Variants in EFCAB10 observed in about 807,000 individuals in gnomAD.
EFCAB10 encodes EF-hand calcium binding domain 10.
In EFCAB10, 7 loss-of-function variants were observed where a neutral mutation model predicts 7.7. That is an observed-to-expected ratio of 0.91 (90% CI 0.52 to 1.72). The LOEUF is 1.72. Ranked by LOEUF, EFCAB10 falls within the 40% of genes most tolerant of loss-of-function variation. The pLI is 0.00. For synonymous variants in EFCAB10, 52 were observed against 21.0 expected (o/e 2.47, Z -4.03); for missense variants, 112 against 61.5 (o/e 1.82, Z -2.74).
rs1554369774 is a variant in EFCAB10 at position 105,570,268 on chromosome 7, T to TACACACACAC, written c.107-707_107-698dup. On this transcript the variant is annotated intron_variant, in intron 1 of 4. Transcript: ENST00000480514. ...ATATATATATATATATATATATATATACACACACACACACATACATATACA... is the reference window on the plus strand; with the variant it reads ...ATATATATATATATATATATATATATACACACACACACACACACACACACATACATATACA... 1.7e-4 allele frequency among the ~76,000 whole-genome samples: 11 copies of TACACACACAC among 66,448 alleles called. No homozygotes were observed. In the East Asian group the frequency reaches 1.9e-3, roughly 11 times the overall value. The allele number at this position is 66,448 out of a possible 152,430, so 43.6% of individuals were successfully genotyped here.
chr7:105,570,885 C>G (rs926705563), intron 1 of EFCAB10, among the ~76,000 whole-genome samples: 2 of 151,988 alleles, frequency 1.3e-5, no homozygotes, highest in Non-Finnish European at 2.9e-5. Context: ...CTTAGCCGGG[C>G]GTGGTGACGG....
At chr7:105,577,314 C>G (rs1482067713) in intron 1 of EFCAB10, among the ~76,000 whole-genome samples, 4 of 152,040 alleles carry the variant, frequency 2.6e-5, no homozygotes, top group Admixed American at 2.6e-4. Context: ...TAATAAAGAG[C>G]TGAGAAAAAC....
intron 1 of EFCAB10, among the ~76,000 whole-genome samples, chr7:105,580,001 GT>G (rs926125882): frequency 7.4e-5 from 11 of 147,822 alleles, no homozygotes; most frequent in Admixed American, 4.7e-4. Context: ...TTTATTTTTA[GT>G]TTTTTTTTTG....
chr7:105,577,946 T>C (rs1454624742), intron 1 of EFCAB10, among the ~76,000 whole-genome samples: 3 of 152,166 alleles, frequency 2.0e-5, no homozygotes, highest in African/African-American at 7.2e-5. Context: ...GTATTTTTAG[T>C]AGAGATAGTT....
intron 1 of EFCAB10, among the ~76,000 whole-genome samples, chr7:105,580,142 C>T (rs1792187355): frequency 6.6e-6 from 1 of 152,062 alleles, no homozygotes; most frequent in Admixed American, 6.6e-5. Flanking sequence ...CGCACCACCA[C>T]GTGCAGCTAA....
chr7:105,569,443 C>T lies in EFCAB10; in HGVS notation c.235G>A (p.Gly79Ser). ...VAMFEMMDSS[G>S]RGTISFVQYK... The stretch of plus-strand genomic sequence containing the variant: ...TGCACAAATGATATGGTGCCTCTGC[C>T]TGAGGAGTCCATCATCTCAAACATA... The change falls in exon 2 of 5, where the codon GGC becomes AGC. Residue 79 changes from glycine to serine, a missense_variant. Gly to Ser is a moderately conservative substitution (Grantham distance 56). Coordinates refer to ENST00000480514, the MANE Select transcript of EFCAB10 (RefSeq NM_001355526.2). 1 of 703,112 alleles carries T rather than the reference C, an allele frequency of 1.4e-6. No individual in the cohort carries two copies. The highest frequency in any genetic ancestry group is 2.6e-6 in the Non-Finnish European group (1 of 385,038). 43.6% of individuals were successfully genotyped at this position (703,112 alleles called of 1,614,324 possible).
At chr7:105,574,985 C>A (rs918781501) in intron 1 of EFCAB10, among the ~76,000 whole-genome samples, 2 of 149,036 alleles carry the variant, frequency 1.3e-5, no homozygotes, top group Non-Finnish European at 3.0e-5. Context: ...CATAGTGGTG[C>A]GTGCCTGTAA....
At chr7:105,576,806 C>T (rs1339209380) in intron 1 of EFCAB10, among the ~76,000 whole-genome samples, 12 of 152,140 alleles carry the variant, frequency 7.9e-5, no homozygotes, top group Non-Finnish European at 1.2e-4. Flanking sequence ...GTAATCCAAG[C>T]ACTTTGGGAG....
At chr7:105,570,292 C>T (rs79996442) in intron 1 of EFCAB10, among the ~76,000 whole-genome samples, 1 of 118,958 alleles carries the variant, frequency 8.4e-6, no homozygotes, top group Non-Finnish European at 1.7e-5. Context: ...CATACATATA[C>T]ACATACACAC....
intron 1 of EFCAB10, chr7:105,572,559 C>T (rs1791976830): frequency 1.3e-5 from 2 of 152,196 alleles, no homozygotes; most frequent in Admixed American, 6.5e-5. Context: ...GTGGGAATGC[C>T]AGATAAGTTC....
intron 1 of EFCAB10, chr7:105,573,334 A>G (rs2133523034): frequency 6.6e-6 from 1 of 152,332 alleles, no homozygotes; most frequent in Middle Eastern, 3.4e-3. Context: ...CAGAAACTGG[A>G]AAAAGGCCAA....
intron 1 of EFCAB10, chr7:105,571,354 C>G (rs1791944655): frequency 6.6e-6 from 1 of 152,192 alleles, no homozygotes; most frequent in Non-Finnish European, 1.5e-5. Context: ...GACAAAAAAG[C>G]ACAGCTTTCA....
chr7:105,566,173 G>A (rs899247971), intron 4 of EFCAB10: 2 of 151,630 alleles, frequency 1.3e-5, no homozygotes, highest in Non-Finnish European at 2.9e-5. Context: ...ACCTGCTTGG[G>A]AGGCTGAGGC....
At chr7:105,575,385 T>C (rs1444765482) in intron 1 of EFCAB10, among the ~76,000 whole-genome samples, 3 of 152,158 alleles carry the variant, frequency 2.0e-5, no homozygotes, top group African/African-American at 4.8e-5. Flanking sequence ...CTTGGCTTAC[T>C]GCAACCTTTG....
chr7:105,570,820 C>T (rs982684095), intron 1 of EFCAB10, among the ~76,000 whole-genome samples: 3 of 152,136 alleles, frequency 2.0e-5, no homozygotes, highest in Admixed American at 6.6e-5. Context: ...GTCGGGAGAT[C>T]GAGACCATCC....
rs1791692439 is a variant in EFCAB10, at chr7:105,565,647, C to T, written c.*-200G>A. On this transcript the variant is annotated intron_variant, in intron 4 of 4. Coordinates refer to ENST00000480514, the MANE Select transcript of EFCAB10 (RefSeq NM_001355526.2). Reference sequence around the variant, plus strand: ...CAAGAGACCAGAAAATTATTTTAAACAGTAAGCTCAACATTTAACAATTAA... The same window carrying T: ...CAAGAGACCAGAAAATTATTTTAAATAGTAAGCTCAACATTTAACAATTAA... 3.9e-6 allele frequency: 6 copies of T among 1,555,032 alleles called. No individual in the cohort carries two copies. The highest frequency in any genetic ancestry group is 3.4e-5 in the Admixed American group (2 of 59,036).
At position 105,577,047 on chromosome 7, in the gene EFCAB10, C is replaced by T. The variant is rs140749822; in HGVS notation, c.106+4311G>A. On this transcript the variant is annotated intron_variant, in intron 1 of 4. Coordinates refer to ENST00000480514, the MANE Select transcript of EFCAB10 (RefSeq NM_001355526.2). ...CAGGCTGGGCGACAGGGCAAAACTC[C>T]GTCTTAAAAAAAAAAAAAAGTGGTA... Among the ~76,000 whole-genome samples the T allele has an allele frequency of 1.2e-4, 16 of 137,820 alleles. No homozygotes were observed. In the East Asian group the frequency reaches 2.8e-3, roughly 24 times the overall value. The allele number at this position is 137,820 out of a possible 152,430, so 90.4% of individuals were successfully genotyped here.
At chr7:105,570,296 T>TAC (rs1171143262) in intron 1 of EFCAB10, among the ~76,000 whole-genome samples, 24 of 115,558 alleles carry the variant, frequency 2.1e-4, no homozygotes, top group Middle Eastern at 0.01. Flanking sequence ...CATATACACA[T>TAC]ACACACACAC....
chr7:105,574,124 G>GTA (rs4006347), intron 1 of EFCAB10, among the ~76,000 whole-genome samples: 3 of 148,146 alleles, frequency 2.0e-5, no homozygotes, highest in African/African-American at 7.5e-5. Context: ...CAATGTGTGT[G>GTA]TATATATATA....
Sources: gnomAD v4.1 joint callset for allele counts (sites outside exome capture counted in the v4.1 genomes callset) on GRCh38, gnomAD v4.1.1 for gene constraint, MANE v1.5 for transcripts, NCBI Gene and HGNC (gene_info 2026-07-23, HGNC 2026-07-21) for gene names.